Variants in EYS observed in about 807,000 individuals in gnomAD.
EYS encodes the protein EGF-like photoreceptor maintenance factor, also known as protein eyes shut homolog.
A neutral mutation model predicts 282.1 loss-of-function variants in EYS; 250 were observed. The observed-to-expected ratio is 0.89, with a 90% CI of 0.80 to 0.98. The LOEUF (loss-of-function observed/expected upper bound fraction) is 0.98, where lower values mean the gene tolerates loss of function less well. EYS is among the 50% of genes least tolerant of loss of function. EYS has a pLI of 0.00. For missense variants in EYS, 4,016 were observed against 3,709.0 expected, an observed-to-expected ratio of 1.08 and a Z score of -2.15; for synonymous variants, 1,355 against 1,282.9, an observed-to-expected ratio of 1.06 and a Z score of -1.20.
At chr6:64,452,374 G>T (rs1775384425) in intron 26 of EYS, among the ~76,000 whole-genome samples, 1 of 152,164 alleles carries the variant, frequency 6.6e-6, no homozygotes, top group Non-Finnish European at 1.5e-5. Flanking sequence ...GAAACAAATG[G>T]AAGAACATTC....
intron 31 of EYS, among the ~76,000 whole-genome samples, chr6:64,139,856 C>T (rs573389090): frequency 6.6e-6 from 1 of 151,948 alleles, no homozygotes; most frequent in South Asian, 2.1e-4. Context: ...GTAATCCTAG[C>T]TACTTGGGAG....
intron 35 of EYS, among the ~76,000 whole-genome samples, chr6:63,869,162 G>T (rs531816087): frequency 6.6e-6 from 1 of 152,032 alleles, no homozygotes; most frequent in Non-Finnish European, 1.5e-5. Context: ...TTTTCTAAAG[G>T]CAGGAACAAG....
At chr6:65,392,054 G>A (rs1473479546) in intron 7 of EYS, among the ~76,000 whole-genome samples, 8 of 152,098 alleles carry the variant, frequency 5.3e-5, no homozygotes, top group East Asian at 1.9e-4. Context: ...AAACCTGAGA[G>A]AAACAAGCAA....
chr6:64,239,487 A>G (rs1469858436), intron 30 of EYS, among the ~76,000 whole-genome samples: 1 of 152,016 alleles, frequency 6.6e-6, no homozygotes, highest in Non-Finnish European at 1.5e-5. Flanking sequence ...TTTGATTTGC[A>G]TTTCTCTAAT....
At chr6:63,772,202 C>T (rs1769947775) in intron 40 of EYS, among the ~76,000 whole-genome samples, 1 of 151,342 alleles carries the variant, frequency 6.6e-6, no homozygotes, top group Non-Finnish European at 1.5e-5. Context: ...GCTCTGTTGC[C>T]CAGGCTGGAG....
intron 2 of EYS, among the ~76,000 whole-genome samples, chr6:65,547,605 A>G (rs1273560821): frequency 6.6e-6 from 1 of 152,160 alleles, no homozygotes; most frequent in Non-Finnish European, 1.5e-5. Context: ...ATTATCTAAT[A>G]TGATAGGCAA....
At chr6:65,239,030 GC>G in intron 12 of EYS, among the ~76,000 whole-genome samples, 1 of 151,980 alleles carries the variant, frequency 6.6e-6, no homozygotes, top group Non-Finnish European at 1.5e-5. Flanking sequence ...AATATCATAG[GC>G]TTACTAAAAT....
rs1030611143 is a variant in EYS, at chr6:65,690,937, A to G, written c.-448+16198T>C. On this transcript the variant is annotated intron_variant, in intron 1 of 42. Transcript: ENST00000503581. ...TCATCCTTTTTTATGGCTGCACAGT[A>G]TTCCATGGTGTATATGTGCCACATT... 2.0e-5 allele frequency among the ~76,000 whole-genome samples: 3 copies of G among 150,296 alleles called. 1 individual carries two copies. In the Admixed American group the frequency reaches 2.0e-4, roughly 10 times the overall value.
At chr6:65,461,368 C>T (rs1042576264) in intron 5 of EYS, among the ~76,000 whole-genome samples, 1 of 152,178 alleles carries the variant, frequency 6.6e-6, no homozygotes, top group East Asian at 1.9e-4. Context: ...TAAGACACAT[C>T]CTGAGGCTAT....
intron 31 of EYS, among the ~76,000 whole-genome samples, chr6:64,217,605 A>G: frequency 6.6e-6 from 1 of 152,140 alleles, no homozygotes; most frequent in East Asian, 1.9e-4. Context: ...ACATCTTGAT[A>G]ATAATGTGTT....
At chr6:65,391,060 A>G (rs1438818652) in intron 7 of EYS, among the ~76,000 whole-genome samples, 1 of 152,134 alleles carries the variant, frequency 6.6e-6, no homozygotes, top group Non-Finnish European at 1.5e-5. Context: ...AGGAAGACTT[A>G]AAGATTTCAT....
intron 12 of EYS, among the ~76,000 whole-genome samples, chr6:65,153,685 AG>A (rs1045159011): frequency 9.2e-5 from 14 of 151,726 alleles, no homozygotes; most frequent in African/African-American, 2.7e-4. Flanking sequence ...ACAAGTGACA[AG>A]GGTGATCATC....
intron 29 of EYS, among the ~76,000 whole-genome samples, chr6:64,344,376 A>G (rs539066866): frequency 6.6e-6 from 1 of 152,082 alleles, no homozygotes; most frequent in South Asian, 2.1e-4. Flanking sequence ...AGTGGGCTTC[A>G]TCCCTGGGAT....
At chr6:65,586,565 T>C (rs980281359) in intron 2 of EYS, among the ~76,000 whole-genome samples, 1 of 152,070 alleles carries the variant, frequency 6.6e-6, no homozygotes, top group Non-Finnish European at 1.5e-5. Flanking sequence ...AACATTTGAG[T>C]AGCAACATAC....
chr6:64,318,147 T>G (rs1770052840), intron 29 of EYS, among the ~76,000 whole-genome samples: 1 of 152,110 alleles, frequency 6.6e-6, no homozygotes, highest in Non-Finnish European at 1.5e-5. Context: ...CTGCTTGTTC[T>G]GTACATTACT....
intron 11 of EYS, among the ~76,000 whole-genome samples, chr6:65,333,770 C>G (rs1195450258): frequency 2.0e-5 from 3 of 151,344 alleles, no homozygotes; most frequent in Non-Finnish European, 4.4e-5. Flanking sequence ...TAATCACTAC[C>G]TTTTCTGATA....
chr6:64,165,243 CAA>C (rs756639090), intron 31 of EYS, among the ~76,000 whole-genome samples: 3 of 151,900 alleles, frequency 2.0e-5, no homozygotes, highest in Non-Finnish European at 4.4e-5. Context: ...TTCATGAAAA[CAA>C]AGCAGAATAG....
chr6:64,248,749 A>C (rs986766703), intron 30 of EYS, among the ~76,000 whole-genome samples: 1 of 152,140 alleles, frequency 6.6e-6, no homozygotes, highest in South Asian at 2.1e-4. Flanking sequence ...CCAAAGAAAA[A>C]TAAATCAACA....
intron 8 of EYS, among the ~76,000 whole-genome samples, chr6:65,363,537 T>A (rs553218836): frequency 6.6e-6 from 1 of 151,910 alleles, no homozygotes; most frequent in Non-Finnish European, 1.5e-5. Context: ...TTGTTTTTCA[T>A]GGCGTAGACA....
Sources: gnomAD v4.1 joint callset for allele counts (sites outside exome capture counted in the v4.1 genomes callset) on GRCh38, gnomAD v4.1.1 for gene constraint, MANE v1.5 for transcripts, NCBI Gene and HGNC (gene_info 2026-07-23, HGNC 2026-07-21) for gene names.